Variants in TBC1D14 observed in about 807,000 individuals in gnomAD.
TBC1D14 encodes TBC1 domain family, member 14.
TBC1D14 carries 26 observed loss-of-function variants against 79.0 expected under a neutral mutation model. The ratio of observed to expected loss-of-function variants is 0.33; its 90% confidence interval spans 0.24 to 0.46. The LOEUF (loss-of-function observed/expected upper bound fraction) is 0.46. Among genes scored for constraint, TBC1D14 ranks in the 20% least tolerant of loss-of-function variants. The pLI, the probability that TBC1D14 is intolerant of heterozygous loss-of-function variation, is 1.00. For synonymous variants in TBC1D14, 394 were observed against 349.9 expected, an observed-to-expected ratio of 1.13 and a Z score of -1.40; for missense variants, 769 against 887.6, an observed-to-expected ratio of 0.87 and a Z score of 1.70.
At position 7,032,921 on chromosome 4, in the gene TBC1D14, G is replaced by A. The variant is rs1041989333; in HGVS notation, c.*2529G>A. On this transcript the variant is annotated 3_prime_UTR_variant, in exon 14 of 14. Coordinates refer to ENST00000409757, the MANE Select transcript of TBC1D14 (RefSeq NM_020773.3). ...TTAGAAACGGCATTCACTTCAGAAG[G>A]TACTTTTTAACTGCTCAGTTTTTGA... is the stretch of plus-strand genomic sequence containing the variant. 6.6e-6 allele frequency: 1 copy of A among 152,520 alleles called. No homozygotes were observed. The highest frequency in any genetic ancestry group is 1.5e-5 in the Non-Finnish European group (1 of 68,038). 9.4% of individuals were successfully genotyped at this position (152,520 alleles called of 1,614,324 possible).
rs1017056146 is a variant in TBC1D14 at position 7,009,777 on chromosome 4, A to T, written c.1447-100A>T. The T allele has an allele frequency of 4.3e-6, 5 of 1,169,612 alleles. No homozygotes were observed. The East Asian group carries it at 7.0e-5, about 16-fold the overall frequency. The allele number at this position is 1,169,612 out of a possible 1,614,324, so 72.5% of individuals were successfully genotyped here. ...CTTGGCATATTTCATAATGCTGAAAATAGCAGGAGTGGCAGCGGCAGCAGT... is the reference window on the plus strand; with the variant it reads ...CTTGGCATATTTCATAATGCTGAAATTAGCAGGAGTGGCAGCGGCAGCAGT... On this transcript the variant is annotated intron_variant, in intron 9 of 13. Coordinates refer to ENST00000409757, the MANE Select transcript of TBC1D14 (RefSeq NM_020773.3).
intron 12 of TBC1D14, among the ~76,000 whole-genome samples, chr4:7,024,360 T>C (rs1249066079): frequency 2.6e-5 from 4 of 151,992 alleles, no homozygotes; most frequent in Non-Finnish European, 4.4e-5. Context: ...GGTGGAGATG[T>C]CCCCACCCAG....
chr4:6,910,228 G>A (rs934891897), intron 1 of TBC1D14: 2 of 151,898 alleles, frequency 1.3e-5, no homozygotes, highest in Admixed American at 6.6e-5. Context: ...GCTGTGTCCC[G>A]CTCCTTTACG....
chr4:6,970,012 G>A (rs1412837954), intron 3 of TBC1D14, among the ~76,000 whole-genome samples: 2 of 152,134 alleles, frequency 1.3e-5, no homozygotes, highest in African/African-American at 4.8e-5. Context: ...AGGCCTCTGC[G>A]CTGCTGGCTG....
intron 13 of TBC1D14, among the ~76,000 whole-genome samples, chr4:7,028,162 C>G (rs758575385): frequency 6.6e-6 from 1 of 152,010 alleles, no homozygotes; most frequent in Non-Finnish European, 1.5e-5. Context: ...CACACCCACA[C>G]ACCTCACATG....
At chr4:7,023,611 A>G (rs1184078315) in intron 12 of TBC1D14, among the ~76,000 whole-genome samples, 2 of 152,224 alleles carry the variant, frequency 1.3e-5, no homozygotes, top group African/African-American at 4.8e-5. Context: ...CAAGCCTGCG[A>G]CGGTGCTGCT....
chr4:7,015,040 G>A (rs550984146), intron 12 of TBC1D14, among the ~76,000 whole-genome samples: 1 of 152,266 alleles, frequency 6.6e-6, no homozygotes, highest in East Asian at 1.9e-4. Flanking sequence ...AGAGTCAGCG[G>A]GCACTGTAGC....
At chr4:6,937,855 A>G (rs1004349432) in intron 2 of TBC1D14, among the ~76,000 whole-genome samples, 4 of 152,042 alleles carry the variant, frequency 2.6e-5, no homozygotes, top group African/African-American at 9.7e-5. Context: ...GGGGGTCGTC[A>G]CCGTGTGGGC....
At chr4:6,946,220 A>G (rs1176868290) in intron 2 of TBC1D14, among the ~76,000 whole-genome samples, 1 of 152,196 alleles carries the variant, frequency 6.6e-6, no homozygotes, top group Non-Finnish European at 1.5e-5. Context: ...CTCAATATGT[A>G]TTTGTTGAAT....
intron 2 of TBC1D14, among the ~76,000 whole-genome samples, chr4:6,941,335 G>A (rs190317953): frequency 0.017 from 2,554 of 152,022 alleles, 90 homozygotes; most frequent in African/African-American, 0.059. Context: ...ACAGGCGTCC[G>A]CCACCACGCC....
chr4:7,014,886 A>G (rs1449156759), intron 12 of TBC1D14, among the ~76,000 whole-genome samples: 1 of 152,232 alleles, frequency 6.6e-6, no homozygotes, highest in East Asian at 1.9e-4. Context: ...CTTGCCTGTC[A>G]GGAGCTCCTG....
chr4:6,965,933 G>A lies in TBC1D14; in HGVS notation c.723-1371G>A, dbSNP rs554137540. On this transcript the variant is annotated intron_variant, in intron 2 of 13. Transcript: ENST00000409757. The stretch of plus-strand genomic sequence containing the variant: ...AATTTGTAGGAGACACTTTCAAACT[G>A]TGTAAAAATCCATTCCTCATTGAGC... 5.1e-4 allele frequency among the ~76,000 whole-genome samples: 78 copies of A among 152,314 alleles called. 2 individuals carry two copies. The highest frequency in any genetic ancestry group is 3.5e-4 in the Non-Finnish European group (24 of 68,010).
chr4:6,993,666 G>A (rs1718730445), intron 3 of TBC1D14, among the ~76,000 whole-genome samples: 1 of 152,186 alleles, frequency 6.6e-6, no homozygotes, highest in African/African-American at 2.4e-5. Context: ...CCACCAACGA[G>A]GGAAGCGTGC....
Position 7,031,139 on chromosome 4 carries a change from C to CA in TBC1D14, c.*749dup. The CA allele has an allele frequency of 6.6e-6, 1 of 152,482 alleles. No individual in the cohort carries two copies. Among genetic ancestry groups the CA allele is most frequent in the Non-Finnish European group, 1.5e-5 (1 of 68,116 alleles). 9.4% of individuals were successfully genotyped at this position (152,482 alleles called of 1,614,324 possible). On this transcript the variant is annotated 3_prime_UTR_variant, in exon 14 of 14. Coordinates refer to ENST00000409757, the MANE Select transcript of TBC1D14 (RefSeq NM_020773.3). ...AGCTATTTGCGAGGAAGCCCTGTGG[C>CA]AATAGAGATAGGCTTAAAAGCGGAG... is the stretch of plus-strand genomic sequence containing the variant.
chr4:6,965,787 G>A (rs1715650273), intron 2 of TBC1D14, among the ~76,000 whole-genome samples: 1 of 152,204 alleles, frequency 6.6e-6, no homozygotes, highest in Non-Finnish European at 1.5e-5. Context: ...AAAGTGCTGA[G>A]ATTATAGGTG....
intron 2 of TBC1D14, among the ~76,000 whole-genome samples, chr4:6,924,439 T>G (rs1724120552): frequency 6.6e-6 from 1 of 152,016 alleles, no homozygotes; most frequent in Non-Finnish European, 1.5e-5. Flanking sequence ...TAACTTAACG[T>G]TTCTTGGGCC....
At chr4:6,990,870 C>T (rs760938428) in intron 3 of TBC1D14, among the ~76,000 whole-genome samples, 6 of 151,882 alleles carry the variant, frequency 4.0e-5, no homozygotes, top group African/African-American at 2.4e-5. Flanking sequence ...CCGACCTTAG[C>T]GCTGATAATC....
chr4:6,985,960 T>C (rs903075063), intron 3 of TBC1D14, among the ~76,000 whole-genome samples: 1 of 152,270 alleles, frequency 6.6e-6, no homozygotes, highest in African/African-American at 2.4e-5. Flanking sequence ...TATACAGTTA[T>C]GCAACTATCA....
intron 3 of TBC1D14, among the ~76,000 whole-genome samples, chr4:6,968,201 G>T (rs59809420): frequency 0.065 from 9,871 of 152,178 alleles, 382 homozygotes; most frequent in African/African-American, 0.11. Flanking sequence ...CACTCTTGAG[G>T]CTCCACTAAG....
Sources: gnomAD v4.1 joint callset for allele counts (sites outside exome capture counted in the v4.1 genomes callset) on GRCh38, gnomAD v4.1.1 for gene constraint, MANE v1.5 for transcripts, NCBI Gene and HGNC (gene_info 2026-07-23, HGNC 2026-07-21) for gene names.